The following COTL1 variants were observed in gnomAD, a reference collection of about 807,000 sequenced individuals.
COTL1 encodes the protein coactosin like F-actin binding protein 1, also known as coactosin-like protein.
COTL1 carries 15 observed loss-of-function variants against 16.5 expected under a neutral mutation model. That is an observed-to-expected ratio of 0.91 (90% CI 0.61 to 1.40). The LOEUF is 1.40. COTL1 is among the 40% of genes most tolerant of loss of function. The pLI, the probability that COTL1 is intolerant of heterozygous loss-of-function variation, is 0.00. For synonymous variants in COTL1, 112 were observed against 85.3 expected, an observed-to-expected ratio of 1.31 and a Z score of -1.73; for missense variants, 220 against 201.5, an observed-to-expected ratio of 1.09 and a Z score of -0.56.
Position 84,617,531 on chromosome 16 carries a change from C to G in COTL1, c.130G>C (p.Glu44Gln). ...CACTGCTGGATGAAGTGCTGGTACTCCGCTCCCTGCTCGCCGGGGACGATG... is the reference window on the plus strand; with the variant it reads ...CACTGCTGGATGAAGTGCTGGTACTGCGCTCCCTGCTCGCCGGGGACGATG... The part of the protein sequence containing the change: ...STIVPGEQGA[E>Q]YQHFIQQCTD... Residue 44 changes from glutamate to glutamine, a missense_variant, in exon 2 of 4, where the codon GAG becomes CAG. Glu to Gln is a conservative substitution (Grantham distance 29). Coordinates refer to ENST00000262428, the MANE Select transcript of COTL1 (RefSeq NM_021149.5). The G allele has an allele frequency of 1.3e-6, 2 of 1,557,078 alleles. No individual in the cohort carries two copies. The highest frequency in any genetic ancestry group is 1.7e-6 in the Non-Finnish European group (2 of 1,149,828).
chr16:84,581,978 C>CTTTTTT (rs11332563), intron 3 of COTL1, among the ~76,000 whole-genome samples: 23 of 66,024 alleles, frequency 3.5e-4, no homozygotes, highest in Middle Eastern at 0.01. Context: ...TACATTTCTT[C>CTTTTTT]TTTTTTTTTT....
Position 84,575,131 on chromosome 16 carries a change from G to A in COTL1, c.319-8176C>T, listed in dbSNP as rs771858222. Among the ~76,000 whole-genome samples the A allele has an allele frequency of 5.3e-5, 8 of 152,068 alleles. No individual in the cohort carries two copies. The East Asian group carries it at 5.8e-4, about 11-fold the overall frequency. On this transcript the variant is annotated intron_variant, in intron 3 of 3. Coordinates refer to ENST00000262428, the MANE Select transcript of COTL1 (RefSeq NM_021149.5). ...CAGTTCACTGTAACCTCCACCTCCC[G>A]GGTTCAAGCGATTCTCCTGCCTCAG...
At chr16:84,613,125 G>A (rs935385396) in intron 2 of COTL1, among the ~76,000 whole-genome samples, 3 of 151,516 alleles carry the variant, frequency 2.0e-5, no homozygotes, top group African/African-American at 4.9e-5. Context: ...CTCAGTCTCC[G>A]AGTAGCTGGG....
intron 2 of COTL1, 53 bp downstream of exon 2, chr16:84,617,448 T>C (rs1905520010): frequency 6.6e-7 from 1 of 1,510,550 alleles, no homozygotes; most frequent in East Asian, 2.5e-5. Context: ...GCTCCCCGGG[T>C]GCAGACAACC....
intron 2 of COTL1, among the ~76,000 whole-genome samples, chr16:84,608,628 G>A (rs980977533): frequency 1.3e-5 from 2 of 152,210 alleles, no homozygotes; most frequent in Admixed American, 6.5e-5. Context: ...AAACCCAGCC[G>A]GGCGGGGTGG....
At chr16:84,571,252 A>T (rs1315869965) in intron 3 of COTL1, among the ~76,000 whole-genome samples, 1 of 152,004 alleles carries the variant, frequency 6.6e-6, no homozygotes, top group Non-Finnish European at 1.5e-5. Context: ...ACAGCCTGGG[A>T]CTCGATGCAG....
intron 2 of COTL1, among the ~76,000 whole-genome samples, chr16:84,600,168 A>G (rs1257653339): frequency 6.6e-6 from 1 of 152,206 alleles, no homozygotes; most frequent in Non-Finnish European, 1.5e-5. Flanking sequence ...GCAGTTGACA[A>G]AAACAAAACC....
At chr16:84,604,495 G>A (rs1314435634) in intron 2 of COTL1, among the ~76,000 whole-genome samples, 1 of 151,960 alleles carries the variant, frequency 6.6e-6, no homozygotes, top group East Asian at 1.9e-4. Flanking sequence ...ACAAGGTTGT[G>A]CATGGTGATG....
At chr16:84,616,096 CT>C (rs1905474489) in intron 2 of COTL1, 1 of 152,226 alleles carries the variant, frequency 6.6e-6, no homozygotes, top group Non-Finnish European at 1.5e-5. Context: ...TACTGACTCA[CT>C]TATCCTCGCA....
At chr16:84,567,942 G>A (rs1251087493) in intron 3 of COTL1, 1 of 127,884 alleles carries the variant, frequency 7.8e-6, no homozygotes, top group Non-Finnish European at 1.6e-5. Flanking sequence ...CACGTCTAAA[G>A]GTAAGAAAAT....
At chr16:84,611,158 T>C (rs1905315284) in intron 2 of COTL1, among the ~76,000 whole-genome samples, 2 of 152,144 alleles carry the variant, frequency 1.3e-5, no homozygotes, top group Non-Finnish European at 2.9e-5. Context: ...ACAGCAAGGC[T>C]ATCGTTCAAA....
chr16:84,589,708 A>G (rs1904814231), intron 3 of COTL1, among the ~76,000 whole-genome samples: 1 of 152,120 alleles, frequency 6.6e-6, no homozygotes. Flanking sequence ...GGCACTGTTC[A>G]GAGAGGGTAC....
At chr16:84,617,404 G>A (rs956854658) in intron 2 of COTL1, 97 bp downstream of exon 2, 1 of 1,168,970 alleles carries the variant, frequency 8.6e-7, no homozygotes, top group Non-Finnish European at 1.2e-6. Context: ...ACCCCATGTG[G>A]CCACCGGTTC....
intron 2 of COTL1, among the ~76,000 whole-genome samples, chr16:84,603,392 G>A (rs911164441): frequency 5.1e-4 from 34 of 66,272 alleles, no homozygotes; most frequent in Non-Finnish European, 9.1e-4. Context: ...GAACACACTG[G>A]AAACCCGGCC....
intron 3 of COTL1, chr16:84,569,163 C>G (rs1263730356): frequency 6.6e-6 from 1 of 152,050 alleles, no homozygotes; most frequent in Non-Finnish European, 1.5e-5. Flanking sequence ...TCTACTAAAA[C>G]TACAAAAATC....
chr16:84,567,941 AG>A (rs1337925155), intron 3 of COTL1: 2 of 131,672 alleles, frequency 1.5e-5, no homozygotes, highest in Non-Finnish European at 3.2e-5. Context: ...ACACGTCTAA[AG>A]GTAAGAAAAT....
rs71151230 is a variant in COTL1 at position 84,613,006 on chromosome 16, C to CTTT, written c.160+4492_160+4494dup. ...TGACTCTTTCTTTCTTTCTTTCTTT[C>CTTT]TTTTTTTTTTTTGAGATAGAGTCTC... is the stretch of plus-strand genomic sequence containing the variant. On this transcript the variant is annotated intron_variant, in intron 2 of 3. Coordinates refer to ENST00000262428, the MANE Select transcript of COTL1 (RefSeq NM_021149.5). Among the ~76,000 whole-genome samples, 138 of 137,260 alleles carry CTTT rather than the reference C, an allele frequency of 1.0e-3. 2 individuals are homozygous for CTTT. The highest frequency in any genetic ancestry group is 3.7e-3 in the Middle Eastern group (1 of 272). The allele number at this position is 137,260 out of a possible 152,430, so 90.0% of individuals were successfully genotyped here.
At chr16:84,617,715 C>G (rs1387060116) in intron 1 of COTL1, 123 bp downstream of exon 1, 8 of 1,374,660 alleles carry the variant, frequency 5.8e-6, no homozygotes, top group African/African-American at 4.3e-5. Context: ...CACGCCGTCC[C>G]GGAATAAGGC....
chr16:84,582,135 C>T (rs1904611362), intron 3 of COTL1, among the ~76,000 whole-genome samples: 1 of 151,912 alleles, frequency 6.6e-6, no homozygotes, highest in South Asian at 2.1e-4. Flanking sequence ...GCTGGGATTA[C>T]AGGCACATGC....
Sources: allele counts gnomAD v4.1 joint callset (sites outside exome capture counted in the v4.1 genomes callset), GRCh38; gene constraint gnomAD v4.1.1; transcripts MANE v1.5; gene names NCBI Gene and HGNC (gene_info 2026-07-23, HGNC 2026-07-21).